STIM1: variants seen among roughly 807,000 people sequenced by gnomAD.
STIM1 encodes the protein stromal interaction molecule 1.
In STIM1, 25 loss-of-function variants were observed where a neutral mutation model predicts 74.7. The ratio of observed to expected loss-of-function variants is 0.33; its 90% CI spans 0.24 to 0.47. The LOEUF (loss-of-function observed/expected upper bound fraction) is 0.47. Ranked by LOEUF, STIM1 falls within the 20% of genes least tolerant of loss-of-function variation. The pLI is 1.00. For synonymous variants in STIM1, 328 were observed against 348.8 expected (o/e 0.94, Z 0.66); for missense variants, 728 against 920.8 (o/e 0.79, Z 2.71).
chr11:4,081,969 A>G (rs754041452), intron 7 of STIM1, among the ~76,000 whole-genome samples: 5 of 152,216 alleles, frequency 3.3e-5, no homozygotes, highest in Non-Finnish European at 7.3e-5. Context: ...AAACATCTCA[A>G]TTTGGGTTCT....
intron 1 of STIM1, among the ~76,000 whole-genome samples, chr11:3,882,249 G>C (rs1014835461): frequency 6.6e-6 from 1 of 151,494 alleles, no homozygotes; most frequent in Non-Finnish European, 1.5e-5. Flanking sequence ...ACAGGCGTGC[G>C]CCACCACGCC....
chr11:3,863,219 CATGTGTGTGTGTGTGTGTGTGTGTGTGT>C lies in STIM1; in HGVS notation c.139+6811_139+6838del, dbSNP rs1470850496. Among the ~76,000 whole-genome samples the C allele has an allele frequency of 2.8e-4, 29 of 103,970 alleles. No homozygotes were observed. In the East Asian group the frequency reaches 3.3e-3, roughly 12 times the overall value. The allele number at this position is 103,970 out of a possible 152,430, so 68.2% of individuals were successfully genotyped here. On this transcript the variant is annotated intron_variant, in intron 1 of 12. Transcript: ENST00000526596. The stretch of plus-strand genomic sequence containing the variant: ...ACACACGTATATATTTGAGACAATG[CATGTGTGTGTGTGTGTGTGTGTGTGTGT>C]GTGTGTGTGTGTGTGTGTGTATGTA...
At chr11:4,023,513 A>C (rs1207270644) in intron 2 of STIM1, among the ~76,000 whole-genome samples, 1 of 152,172 alleles carries the variant, frequency 6.6e-6, no homozygotes, top group Admixed American at 6.6e-5. Flanking sequence ...AATTCTTAGA[A>C]TATTGCCTAA....
At chr11:3,917,696 A>G (rs998944784) in intron 1 of STIM1, among the ~76,000 whole-genome samples, 1 of 152,162 alleles carries the variant, frequency 6.6e-6, no homozygotes, top group Non-Finnish European at 1.5e-5. Flanking sequence ...GGCCTCTCAA[A>G]GTGTTGGGAC....
intron 7 of STIM1, 73 bp from the exon 8 acceptor site, chr11:4,082,111 T>G: frequency 6.7e-7 from 1 of 1,485,412 alleles, no homozygotes; most frequent in Non-Finnish European, 9.4e-7. Context: ...AAGTCTGAGT[T>G]CTGAAGCATC....
At chr11:4,070,002 A>G in intron 5 of STIM1, 24 bp from the exon 6 acceptor site, 1 of 1,613,606 alleles carries the variant, frequency 6.2e-7, no homozygotes. Flanking sequence ...ACCCTAACTC[A>G]TCATGCCCTC....
intron 3 of STIM1, among the ~76,000 whole-genome samples, chr11:4,040,770 G>A (rs2094141508): frequency 6.6e-6 from 1 of 152,216 alleles, no homozygotes; most frequent in South Asian, 2.1e-4. Context: ...CTGCAGCCAT[G>A]CTGCCAGACT....
chr11:3,923,732 G>C (rs4910587), intron 1 of STIM1, among the ~76,000 whole-genome samples: 151,509 of 152,204 alleles, frequency 1, 75,410 homozygotes, highest in Middle Eastern at 1. Context: ...GTATCCTGCA[G>C]TAGTACCACA....
intron 1 of STIM1, chr11:3,892,659 A>G (rs1223650182): frequency 3.1e-6 from 5 of 1,610,892 alleles, no homozygotes; most frequent in Non-Finnish European, 4.2e-6. Flanking sequence ...CCGTAGATGG[A>G]CTTGCTGCTA....
intron 2 of STIM1, among the ~76,000 whole-genome samples, chr11:4,006,687 T>G (rs1466397112): frequency 6.6e-6 from 1 of 152,242 alleles, no homozygotes; most frequent in African/African-American, 2.4e-5. Context: ...GTGCTGGGAT[T>G]ACAGGTGTGA....
chr11:4,025,764 G>A (rs2093993317), intron 3 of STIM1, among the ~76,000 whole-genome samples: 1 of 152,136 alleles, frequency 6.6e-6, no homozygotes, highest in African/African-American at 2.4e-5. Context: ...TTTCTGGCAA[G>A]GACTTTATTT....
chr11:3,931,852 A>T (rs1006033114), intron 1 of STIM1, among the ~76,000 whole-genome samples: 12 of 152,144 alleles, frequency 7.9e-5, no homozygotes, highest in Non-Finnish European at 1.8e-4. Context: ...TTCCTTTTCT[A>T]TAAGTAATAT....
intron 6 of STIM1, 111 bp downstream of exon 6, chr11:4,070,314 C>T (rs1345491073): frequency 2.5e-6 from 3 of 1,219,476 alleles, no homozygotes; most frequent in African/African-American, 3.0e-5. Flanking sequence ...CATGGCAGCC[C>T]AGGCTGCATC....
chr11:3,934,725 C>T (rs1011079445), intron 1 of STIM1, among the ~76,000 whole-genome samples: 3 of 152,218 alleles, frequency 2.0e-5, no homozygotes, highest in Non-Finnish European at 4.4e-5. Context: ...ATAAGTTTCT[C>T]TTCCATAATT....
chr11:4,080,649 T>G (rs1254200701), intron 7 of STIM1, among the ~76,000 whole-genome samples: 1 of 151,912 alleles, frequency 6.6e-6, no homozygotes, highest in Admixed American at 6.6e-5. Flanking sequence ...CAATTTTTTG[T>G]AAGATGAGGT....
intron 1 of STIM1, among the ~76,000 whole-genome samples, chr11:3,943,159 A>G (rs1190058196): frequency 6.6e-6 from 1 of 152,114 alleles, no homozygotes; most frequent in Non-Finnish European, 1.5e-5. Flanking sequence ...TGTATTTCCT[A>G]AGGCCAAGCT....
chr11:4,034,375 G>A (rs1055415635), intron 3 of STIM1, among the ~76,000 whole-genome samples: 4 of 152,084 alleles, frequency 2.6e-5, no homozygotes, highest in Admixed American at 2.6e-4. Flanking sequence ...AGTTTTCTGT[G>A]TCTATTGAGA....
At chr11:4,014,453 G>A (rs1373991695) in intron 2 of STIM1, among the ~76,000 whole-genome samples, 2 of 152,208 alleles carry the variant, frequency 1.3e-5, no homozygotes. Flanking sequence ...ATTTGCTGAC[G>A]AGTATTTTAC....
At chr11:3,898,608 G>A (rs2092258768) in intron 1 of STIM1, among the ~76,000 whole-genome samples, 1 of 149,184 alleles carries the variant, frequency 6.7e-6, no homozygotes, top group Non-Finnish European at 1.5e-5. Context: ...TGTCCTGAAT[G>A]GTAATGCCTA....
Sources: allele counts gnomAD v4.1 joint callset (sites outside exome capture counted in the v4.1 genomes callset), GRCh38; gene constraint gnomAD v4.1.1; transcripts MANE v1.5; gene names NCBI Gene and HGNC (gene_info 2026-07-23, HGNC 2026-07-21).